SLC2A2: variants seen among roughly 807,000 people sequenced by gnomAD.
SLC2A2 encodes the protein solute carrier family 2, facilitated glucose transporter member 2.
SLC2A2 carries 36 observed loss-of-function variants against 54.5 expected under a neutral mutation model. The observed-to-expected ratio is 0.66, with a 90% CI of 0.51 to 0.87. The LOEUF (loss-of-function observed/expected upper bound fraction) is 0.87, where lower values mean the gene tolerates loss of function less well. Among genes scored for constraint, SLC2A2 ranks in the 40% least tolerant of loss-of-function variants. The probability of loss-of-function intolerance (pLI) is 0.00; values close to 1 mark genes in which losing one functional copy is unlikely to be tolerated. For synonymous variants in SLC2A2, 223 were observed against 219.1 expected, an observed-to-expected ratio of 1.02 and a Z score of -0.16; for missense variants, 543 against 624.3, an observed-to-expected ratio of 0.87 and a Z score of 1.39.
At chr3:171,021,516 GC>G (rs1440585903) in intron 1 of SLC2A2, among the ~76,000 whole-genome samples, 10 of 152,156 alleles carry the variant, frequency 6.6e-5, no homozygotes, top group Admixed American at 6.5e-4. Context: ...GCCAAGCATG[GC>G]AGCTCATGCC....
At position 170,996,981 on chromosome 3, in the gene SLC2A2, T is replaced by A. The variant is rs1352484123; in HGVS notation, c.*922A>T. 4.4e-6 allele frequency: 1 copy of A among 227,054 alleles called. No homozygotes were observed. The highest frequency in any genetic ancestry group is 8.5e-6 in the Non-Finnish European group (1 of 117,630). 14.1% of individuals were successfully genotyped at this position (227,054 alleles called of 1,614,324 possible). Reference sequence around the variant, plus strand: ...AAAGTGATCAATCCTTTACTTCAAATTTTCTTACATTAGATTTGATCAAAC... The same window carrying A: ...AAAGTGATCAATCCTTTACTTCAAAATTTCTTACATTAGATTTGATCAAAC... On this transcript the variant is annotated 3_prime_UTR_variant, in exon 11 of 11. Transcript: ENST00000314251.
intron 1 of SLC2A2, among the ~76,000 whole-genome samples, chr3:171,021,879 G>T (rs981830946): frequency 2.0e-5 from 3 of 152,152 alleles, no homozygotes; most frequent in Non-Finnish European, 4.4e-5. Flanking sequence ...TAATGGGCAG[G>T]TCAGGTCCTT....
chr3:170,997,917 T>C lies in SLC2A2; in HGVS notation c.1561A>G (p.Thr521Ala), dbSNP rs1715156929. The C allele has an allele frequency of 1.2e-6, 2 of 1,613,008 alleles. No homozygotes were observed. The highest frequency in any genetic ancestry group is 1.7e-6 in the Non-Finnish European group (2 of 1,179,428). Reference protein sequence around the residue: ...AAVEMKFLGATETV With the variant: ...AAVEMKFLGAAETV ...GGGTTTTTTTTTTACACAGTCTCTGTAGCTCCTAGGAATTTCATTTCTACA... is the reference window on the plus strand; with the variant it reads ...GGGTTTTTTTTTTACACAGTCTCTGCAGCTCCTAGGAATTTCATTTCTACA... The change falls in exon 11 of 11, where the codon ACA (threonine) becomes GCA (alanine). Residue 521 changes from threonine to alanine, a missense_variant. Physicochemically the swap from Thr to Ala is moderately conservative, Grantham distance 58. This residue lies in a region of SLC2A2 where 108 missense variants were observed against 101.3 expected (regional missense o/e 1.07). Transcript: ENST00000314251.
At chr3:171,018,709 C>T in intron 1 of SLC2A2, 86 bp from the exon 2 acceptor site, 1 of 837,850 alleles carries the variant, frequency 1.2e-6, no homozygotes, top group Non-Finnish European at 2.1e-6. Flanking sequence ...AAACTTCTTA[C>T]AGGCTCCACA....
chr3:171,010,154 G>A (rs1438319037), intron 3 of SLC2A2, 72 bp from the exon 4 acceptor site: 1 of 1,499,198 alleles, frequency 6.7e-7, no homozygotes, highest in Non-Finnish European at 9.2e-7. Flanking sequence ...TTCAGAGCAT[G>A]TTGAGATTTT....
chr3:171,014,692 G>T lies in SLC2A2; in HGVS notation c.148C>A (p.Leu50Met). The T allele has an allele frequency of 6.2e-7, 1 of 1,613,672 alleles. No homozygotes were observed. The highest frequency in any genetic ancestry group is 2.2e-5 in the East Asian group (1 of 44,888). Residue 50 changes from leucine to methionine, a missense_variant, in exon 3 of 11, where the codon CTG (leucine) becomes ATG (methionine). By Grantham distance (15) the Leu-to-Met change is conservative. Around this residue, in one of 3 missense-constraint regions of SLC2A2, gnomAD observed 318 missense variants for 343.8 expected, o/e 0.93. Coordinates refer to ENST00000314251, the MANE Select transcript of SLC2A2 (RefSeq NM_000340.2). Reference sequence around the variant, plus strand: ...TTGTTGATAGCTTTTCGGTCATCCAGTGGAACACCCAAAACATGTCTATAG... The same window carrying T: ...TTGTTGATAGCTTTTCGGTCATCCATTGGAACACCCAAAACATGTCTATAG... ...SHYRHVLGVP[L>M]DDRKAINNYV...
rs1388843882 is a variant in SLC2A2 at position 170,997,660 on chromosome 3, C to T, written c.*243G>A. ...GAGCTAAAAATATTAGAACCACCTG[C>T]CCTTTAGTGTAACAAAATAAACTAG... On this transcript the variant is annotated 3_prime_UTR_variant, in exon 11 of 11. Coordinates refer to ENST00000314251, the MANE Select transcript of SLC2A2 (RefSeq NM_000340.2). 4.0e-6 allele frequency: 2 copies of T among 493,992 alleles called. No homozygotes were observed. Among genetic ancestry groups the T allele is most frequent in the African/African-American group, 2.0e-5 (1 of 51,234 alleles). The allele number at this position is 493,992 out of a possible 1,614,324, so 30.6% of individuals were successfully genotyped here.
intron 4 of SLC2A2, among the ~76,000 whole-genome samples, 198 bp downstream of exon 4, chr3:171,009,760 A>C (rs537683104): frequency 1.3e-5 from 2 of 152,190 alleles, no homozygotes; most frequent in African/African-American, 4.8e-5. Context: ...GAACCTTGAT[A>C]GCATCATAAT....
intron 7 of SLC2A2, among the ~76,000 whole-genome samples, chr3:171,003,245 A>T (rs527281049): frequency 6.6e-6 from 1 of 151,980 alleles, no homozygotes; most frequent in East Asian, 1.9e-4. Context: ...AATCATCCTT[A>T]TTGTGTATTG....
At chr3:171,010,235 A>G (rs1715821981) in intron 3 of SLC2A2, among the ~76,000 whole-genome samples, 153 bp from the exon 4 acceptor site, 1 of 152,094 alleles carries the variant, frequency 6.6e-6, no homozygotes, top group South Asian at 2.1e-4. Context: ...CAAGATTGCT[A>G]ATTTGACTCA....
chr3:171,012,930 G>T (rs969896947), intron 3 of SLC2A2, among the ~76,000 whole-genome samples: 3 of 152,104 alleles, frequency 2.0e-5, no homozygotes, highest in Admixed American at 6.6e-5. Flanking sequence ...AGACTTCAGA[G>T]GGTTTGTATA....
In SLC2A2 at chr3:170,996,571, C is replaced by A; in HGVS notation, c.*1332G>T. Reference sequence around the variant, plus strand: ...AGAGATACGTTAGCACCCTGCTAAGCTTTTGGGACCCATCAGAACTATATT... The same window carrying A: ...AGAGATACGTTAGCACCCTGCTAAGATTTTGGGACCCATCAGAACTATATT... On this transcript the variant is annotated 3_prime_UTR_variant, in exon 11 of 11. Transcript: ENST00000314251. 5.0e-6 allele frequency: 2 copies of A among 397,826 alleles called. No individual in the cohort carries two copies. Among genetic ancestry groups the A allele is most frequent in the African/African-American group, 4.1e-5 (2 of 48,698 alleles). The allele number at this position is 397,826 out of a possible 1,614,324, so 24.6% of individuals were successfully genotyped here.
intron 1 of SLC2A2, among the ~76,000 whole-genome samples, chr3:171,021,664 G>A (rs1716474009): frequency 6.6e-6 from 1 of 152,114 alleles, no homozygotes. Context: ...AAGTATCACT[G>A]GACTAAAATC....
chr3:171,024,018 A>G (rs1031277549), intron 1 of SLC2A2, among the ~76,000 whole-genome samples: 1 of 152,196 alleles, frequency 6.6e-6, no homozygotes, highest in Non-Finnish European at 1.5e-5. Flanking sequence ...ATTGTGGCTC[A>G]TAAGTCATAT....
In SLC2A2 at chr3:170,997,925, A is replaced by G; in HGVS notation, c.1553T>C (p.Leu518Pro). Residue 518 changes from leucine (L) to proline (P), a missense_variant, in exon 11 of 11, where the codon CTA (leucine) becomes CCA (proline). Transcript: ENST00000314251. ...TTTTTACACAGTCTCTGTAGCTCCT[A>G]GGAATTTCATTTCTACAGCAGCTTT... is the stretch of plus-strand genomic sequence containing the variant. The part of the protein sequence containing the change: ...RPKAAVEMKF[L>P]GATETV The G allele has an allele frequency of 6.2e-7, 1 of 1,613,278 alleles. No homozygotes were observed. Among genetic ancestry groups the G allele is most frequent in the Non-Finnish European group, 8.5e-7 (1 of 1,179,584 alleles).
chr3:171,018,413 G>C, intron 2 of SLC2A2, 118 bp downstream of exon 2: 2 of 787,904 alleles, frequency 2.5e-6, no homozygotes, highest in Non-Finnish European at 4.6e-6. Context: ...GTACCTGACA[G>C]GCCAGGATGG....
intron 9 of SLC2A2, among the ~76,000 whole-genome samples, 158 bp downstream of exon 9, chr3:170,998,907 T>G (rs1180448583): frequency 6.6e-6 from 1 of 152,190 alleles, no homozygotes; most frequent in Non-Finnish European, 1.5e-5. Context: ...GTTCATCTTT[T>G]CTTTATATAT....
At chr3:170,999,008 A>G (rs1299384910) in intron 9 of SLC2A2, 57 bp downstream of exon 9, 4 of 1,065,562 alleles carry the variant, frequency 3.8e-6, no homozygotes, top group Non-Finnish European at 5.9e-6. Context: ...TGGACCACAG[A>G]GGTGCCAGGT....
intron 3 of SLC2A2, among the ~76,000 whole-genome samples, chr3:171,012,083 C>T (rs1333405178): frequency 1.3e-5 from 2 of 151,998 alleles, no homozygotes; most frequent in Non-Finnish European, 2.9e-5. Context: ...AGTATAGGCT[C>T]GATTATTGTC....
Sources: gnomAD v4.1 joint callset for allele counts (sites outside exome capture counted in the v4.1 genomes callset) on GRCh38, gnomAD v4.1.1 for gene constraint, gnomAD v4.1.1 regional missense constraint, MANE v1.5 for transcripts, NCBI Gene and HGNC (gene_info 2026-07-23, HGNC 2026-07-21) for gene names.